The following CCDC91 variants were observed in gnomAD, a reference collection of about 807,000 sequenced individuals.
CCDC91 encodes coiled-coil domain-containing protein 91.
In CCDC91, 48 loss-of-function variants were observed where a neutral mutation model predicts 63.2. The observed-to-expected ratio is 0.76, with a 90% confidence interval of 0.60 to 0.97. The LOEUF (loss-of-function observed/expected upper bound fraction) is 0.97. Among genes scored for constraint, CCDC91 ranks in the 50% least tolerant of loss-of-function variants. The probability of loss-of-function intolerance (pLI) is 0.00; values close to 1 mark genes in which losing one functional copy is unlikely to be tolerated. For missense variants in CCDC91, 500 were observed against 494.6 expected (o/e 1.01, Z -0.10); for synonymous variants, 167 against 165.8 (o/e 1.01, Z -0.06).
At chr12:28,525,232 G>T (rs777559230) in intron 12 of CCDC91, among the ~76,000 whole-genome samples, 2 of 152,086 alleles carry the variant, frequency 1.3e-5, no homozygotes, top group African/African-American at 2.4e-5. Context: ...TGATATAGGC[G>T]TTTAGGGCTG....
At chr12:28,363,466 TA>T (rs1373891679) in intron 7 of CCDC91, among the ~76,000 whole-genome samples, 1 of 152,172 alleles carries the variant, frequency 6.6e-6, no homozygotes, top group Admixed American at 6.5e-5. Context: ...ATTATAATAA[TA>T]AATATAAAAA....
chr12:28,393,566 A>G (rs1337646280), intron 8 of CCDC91, among the ~76,000 whole-genome samples: 1 of 152,138 alleles, frequency 6.6e-6, no homozygotes, highest in Non-Finnish European at 1.5e-5. Context: ...TATAGCCTAA[A>G]ACAGCCATAG....
At chr12:28,509,087 C>G (rs1939076476) in intron 12 of CCDC91, among the ~76,000 whole-genome samples, 1 of 151,880 alleles carries the variant, frequency 6.6e-6, no homozygotes, top group Non-Finnish European at 1.5e-5. Flanking sequence ...GTAATGTGGA[C>G]TGCTTTCTGT....
At chr12:28,529,464 T>C (rs1941556573) in intron 12 of CCDC91, among the ~76,000 whole-genome samples, 1 of 152,166 alleles carries the variant, frequency 6.6e-6, no homozygotes, top group Non-Finnish European at 1.5e-5. Context: ...AGGGGAGTTT[T>C]GTAACTTTAA....
chr12:28,318,209 T>C (rs1046598646), intron 6 of CCDC91, among the ~76,000 whole-genome samples: 7 of 151,788 alleles, frequency 4.6e-5, no homozygotes, highest in Admixed American at 3.3e-4. Flanking sequence ...TTTCTAACCA[T>C]GAGGGGAAAA....
At chr12:28,489,931 CTCT>C (rs1463017357) in intron 12 of CCDC91, among the ~76,000 whole-genome samples, 1 of 151,870 alleles carries the variant, frequency 6.6e-6, no homozygotes, top group African/African-American at 2.4e-5. Flanking sequence ...CCTTACTTTT[CTCT>C]TCTTAGAAAT....
Position 28,549,906 on chromosome 12 carries a change from A to G in CCDC91, c.*733A>G, listed in dbSNP as rs1200829962. The stretch of plus-strand genomic sequence containing the variant: ...CAAATTGTGAACTTAATCTCTAGAA[A>G]GAGAATATAACTCAGCCATTTATAG... On this transcript the variant is annotated 3_prime_UTR_variant, in exon 13 of 13. Coordinates refer to ENST00000536442, the MANE Select transcript of CCDC91 (RefSeq NM_018318.5). The G allele has an allele frequency of 6.6e-6, 1 of 152,320 alleles. No individual in the cohort carries two copies. The highest frequency in any genetic ancestry group is 1.5e-5 in the Non-Finnish European group (1 of 68,006). The allele number at this position is 152,320 out of a possible 1,614,324, so 9.4% of individuals were successfully genotyped here.
intron 8 of CCDC91, among the ~76,000 whole-genome samples, chr12:28,432,600 C>T (rs1232236985): frequency 1.3e-5 from 2 of 152,076 alleles, no homozygotes; most frequent in Non-Finnish European, 2.9e-5. Flanking sequence ...TCAGGTATTT[C>T]TTTATAGCAG....
At chr12:28,528,951 C>T (rs1466672085) in intron 12 of CCDC91, among the ~76,000 whole-genome samples, 4 of 152,006 alleles carry the variant, frequency 2.6e-5, no homozygotes, top group African/African-American at 9.7e-5. Context: ...GATATGGTTG[C>T]AAAATCACCT....
intron 6 of CCDC91, among the ~76,000 whole-genome samples, chr12:28,359,439 T>C (rs76306413): frequency 0.011 from 1,623 of 152,306 alleles, 37 homozygotes; most frequent in African/African-American, 0.037. Context: ...GATTGTCGAA[T>C]TTTTTTGGTA....
Position 28,372,752 on chromosome 12 carries a change from G to A in CCDC91, c.654+10237G>A, listed in dbSNP as rs531962228. Reference sequence around the variant, plus strand: ...TGGAGGAGTCTTTGGGGTTTTCCAGGTATGCAGTCATGTCATTGGCAAACA... The same window carrying A: ...TGGAGGAGTCTTTGGGGTTTTCCAGATATGCAGTCATGTCATTGGCAAACA... On this transcript the variant is annotated intron_variant, in intron 7 of 12. Coordinates refer to ENST00000536442, the MANE Select transcript of CCDC91 (RefSeq NM_018318.5). 8.0e-4 allele frequency among the ~76,000 whole-genome samples: 122 copies of A among 152,148 alleles called. 2 individuals carry two copies. Among genetic ancestry groups the A allele is most frequent in the African/African-American group, 2.8e-3 (117 of 41,492 alleles).
intron 12 of CCDC91, among the ~76,000 whole-genome samples, chr12:28,489,501 A>G (rs1951887592): frequency 6.6e-6 from 1 of 151,914 alleles, no homozygotes; most frequent in South Asian, 2.1e-4. Flanking sequence ...AGTGTGAATA[A>G]CATTCAGCAA....
At chr12:28,219,681 G>A (rs1943806578) in intron 1 of CCDC91, among the ~76,000 whole-genome samples, 1 of 151,972 alleles carries the variant, frequency 6.6e-6, no homozygotes, top group Admixed American at 6.6e-5. Context: ...CACTGTGCTA[G>A]CCAGGATGGT....
intron 1 of CCDC91, among the ~76,000 whole-genome samples, chr12:28,219,534 T>C (rs1330076950): frequency 6.7e-6 from 1 of 148,772 alleles, no homozygotes; most frequent in Non-Finnish European, 1.5e-5. Context: ...TGCAGTGGCA[T>C]GATCTGGGCT....
chr12:28,215,341 T>G (rs1273307017), intron 1 of CCDC91, among the ~76,000 whole-genome samples: 2 of 152,196 alleles, frequency 1.3e-5, no homozygotes, highest in Non-Finnish European at 2.9e-5. Context: ...GAAATTAATG[T>G]TTCTCTCTTT....
intron 6 of CCDC91, among the ~76,000 whole-genome samples, chr12:28,339,792 G>C (rs563671500): frequency 6.6e-6 from 1 of 152,168 alleles, no homozygotes; most frequent in South Asian, 2.1e-4. Flanking sequence ...GCCCAACCAC[G>C]GACTTGAGCT....
chr12:28,304,390 A>AG (rs1938449433), intron 3 of CCDC91, among the ~76,000 whole-genome samples: 76 of 125,752 alleles, frequency 6.0e-4, no homozygotes, highest in Non-Finnish European at 6.8e-4. Context: ...AAAAAAAAAA[A>AG]AAAAAAAAAA....
intron 12 of CCDC91, among the ~76,000 whole-genome samples, chr12:28,544,637 T>C (rs1045914558): frequency 2.0e-5 from 3 of 151,970 alleles, no homozygotes; most frequent in African/African-American, 7.2e-5. Flanking sequence ...CATACACACA[T>C]ATATATATTT....
intron 3 of CCDC91, among the ~76,000 whole-genome samples, chr12:28,270,039 TA>T (rs1236771020): frequency 2.0e-5 from 3 of 151,980 alleles, no homozygotes; most frequent in East Asian, 1.9e-4. Context: ...ATTTAATTAA[TA>T]AAAATGTTTA....
Sources: gnomAD v4.1 joint callset for allele counts (sites outside exome capture counted in the v4.1 genomes callset) on GRCh38, gnomAD v4.1.1 for gene constraint, MANE v1.5 for transcripts, NCBI Gene and HGNC (gene_info 2026-07-23, HGNC 2026-07-21) for gene names.